The following AHDC1 variants were observed in gnomAD, a reference collection of about 807,000 sequenced individuals.
AHDC1 encodes the protein AT-hook DNA binding motif containing 1.
Under a neutral mutation model 87.9 loss-of-function variants are expected in AHDC1, and 7 were observed. The observed-to-expected ratio is 0.08, with a 90% confidence interval of 0.05 to 0.15. The LOEUF (loss-of-function observed/expected upper bound fraction) is 0.15. Among genes scored for constraint, AHDC1 ranks in the 10% least tolerant of loss-of-function variants. AHDC1 has a pLI of 1.00. For synonymous variants in AHDC1, 1,051 were observed against 1,006.8 expected, an observed-to-expected ratio of 1.04 and a Z score of -0.83; for missense variants, 1,841 against 2,253.2, an observed-to-expected ratio of 0.82 and a Z score of 3.70.
intron 3 of AHDC1, among the ~76,000 whole-genome samples, chr1:27,602,938 G>A (rs1234230958): frequency 1.4e-5 from 2 of 145,176 alleles, no homozygotes; most frequent in African/African-American, 2.7e-5. Context: ...TCCCAGCGCC[G>A]ATCCTAAAAT....
At chr1:27,599,002 G>A (rs921711271) in intron 3 of AHDC1, among the ~76,000 whole-genome samples, 21 of 152,102 alleles carry the variant, frequency 1.4e-4, no homozygotes, top group African/African-American at 5.1e-4. Flanking sequence ...CACAATGGAT[G>A]GGGAAACTGA....
At position 27,590,333 on chromosome 1, in the gene AHDC1, C is replaced by A. The variant is rs1294759073; in HGVS notation, c.-629+13064G>T. Among the ~76,000 whole-genome samples, 1 of 152,156 alleles carries A rather than the reference C, an allele frequency of 6.6e-6. No individual in the cohort carries two copies. The highest frequency in any genetic ancestry group is 6.5e-5 in the Admixed American group (1 of 15,290). ...AACTCCAACCTACTGTTTGCCTGGG[C>A]CTGTGGGAAGGCCAGACCCTTCCAG... is the stretch of plus-strand genomic sequence containing the variant. On this transcript the variant is annotated intron_variant, in intron 3 of 8. Coordinates refer to ENST00000673934, the MANE Select transcript of AHDC1 (RefSeq NM_001371928.1). The surrounding 1 kb of genome is among the most constrained non-coding windows in gnomAD (Gnocchi z 5.4).
At chr1:27,539,637 G>C (rs886885724) in intron 8 of AHDC1, among the ~76,000 whole-genome samples, 1 of 151,374 alleles carries the variant, frequency 6.6e-6, no homozygotes, top group African/African-American at 2.4e-5. Flanking sequence ...GTAGAGACAG[G>C]GTTTCACCAT....
At chr1:27,599,765 T>G (rs1008683342) in intron 3 of AHDC1, among the ~76,000 whole-genome samples, 1 of 151,920 alleles carries the variant, frequency 6.6e-6, no homozygotes, top group Non-Finnish European at 1.5e-5. Context: ...CCCCCCCGGG[T>G]CCCAAGAAAA....
intron 3 of AHDC1, among the ~76,000 whole-genome samples, chr1:27,601,007 GC>G (rs200763397): frequency 0.022 from 3,392 of 152,184 alleles, 57 homozygotes; most frequent in Middle Eastern, 0.037. Flanking sequence ...GGGGCTCCCT[GC>G]CCCCACGACC....
At position 27,581,024 on chromosome 1, in the gene AHDC1, G is replaced by A. The variant is rs561011037; in HGVS notation, c.-628-22141C>T. On this transcript the variant is annotated intron_variant, in intron 3 of 8. Coordinates refer to ENST00000673934, the MANE Select transcript of AHDC1 (RefSeq NM_001371928.1). ...TAATTTTTGTATTTTTAGTAGAGAC[G>A]AGGTTTCACCATGTTGGCCAGGCTG... Among the ~76,000 whole-genome samples, 26 of 152,176 alleles carry A rather than the reference G, an allele frequency of 1.7e-4. No individual in the cohort carries two copies. The East Asian group carries it at 3.7e-3, about 21-fold the overall frequency.
chr1:27,568,972 G>C (rs2020448775), intron 3 of AHDC1, among the ~76,000 whole-genome samples: 1 of 152,090 alleles, frequency 6.6e-6, no homozygotes, highest in South Asian at 2.1e-4. Flanking sequence ...AGCCTGCCAG[G>C]GTGGGGCGCG....
chr1:27,596,980 C>A (rs919283571), intron 3 of AHDC1, among the ~76,000 whole-genome samples: 2 of 152,240 alleles, frequency 1.3e-5, no homozygotes, highest in Non-Finnish European at 2.9e-5. Context: ...CATGCAAGCA[C>A]ATGTTTATAC....
Position 27,538,400 on chromosome 1 carries a change from C to CAAAAAAAAAAAAAAAAAA in AHDC1, c.*44-3502_*44-3485dup, listed in dbSNP as rs370786800. 2.7e-3 allele frequency among the ~76,000 whole-genome samples: 161 copies of CAAAAAAAAAAAAAAAAAA among 60,704 alleles called. 3 individuals are homozygous for CAAAAAAAAAAAAAAAAAA. The highest frequency in any genetic ancestry group is 4.5e-3 in the African/African-American group (87 of 19,218). 39.8% of individuals were successfully genotyped at this position (60,704 alleles called of 152,430 possible). A position where few individuals can be genotyped will look rare whatever the true frequency, so the allele number is the denominator to read the frequency against. On this transcript the variant is annotated intron_variant, in intron 8 of 8. Transcript: ENST00000673934. ...CCTGGGTGACAGAGCAAGACTGTCTCAAAAAAAAAAAAAAAAAACCAGAAA... is the reference window on the plus strand; with the variant it reads ...CCTGGGTGACAGAGCAAGACTGTCTCAAAAAAAAAAAAAAAAAAAAAAAAAAAAAAAAAAAACCAGAAA...
chr1:27,536,644 G>C (rs1031858264), intron 8 of AHDC1, among the ~76,000 whole-genome samples: 1 of 152,108 alleles, frequency 6.6e-6, no homozygotes, highest in African/African-American at 2.4e-5. Flanking sequence ...CAGAGCGCTG[G>C]GGGCATCTAT....
chr1:27,573,895 A>T (rs2088622214), intron 3 of AHDC1, among the ~76,000 whole-genome samples: 1 of 152,234 alleles, frequency 6.6e-6, no homozygotes, highest in African/African-American at 2.4e-5. Context: ...GCTCAAGTTC[A>T]CACAGACAAC....
At position 27,550,902 on chromosome 1, in the gene AHDC1, G is replaced by A; in HGVS notation, c.1214C>T (p.Ala405Val). 1 of 1,595,160 alleles carries A rather than the reference G, an allele frequency of 6.3e-7. No homozygotes were observed. Among genetic ancestry groups the A allele is most frequent in the Non-Finnish European group, 8.5e-7 (1 of 1,175,972 alleles). Residue 405 changes from alanine (A) to valine (V), a missense_variant, in exon 8 of 9, where the codon GCA becomes GTA. Transcript: ENST00000673934. ...TAGGCGGCCCTCGGGTCCGGCGTCT[G>A]CCTTGCGTCCCCGTCCGGCTTTCCG... ...RRRKAGRGRKADAGPEGRLLP... is the reference protein window; with the variant it reads ...RRRKAGRGRKVDAGPEGRLLP...
intron 3 of AHDC1, among the ~76,000 whole-genome samples, chr1:27,594,906 G>T (rs1280161547): frequency 6.6e-6 from 1 of 152,094 alleles, no homozygotes; most frequent in Non-Finnish European, 1.5e-5. Flanking sequence ...TTTGTGTACA[G>T]GTGTGGTATC....
At chr1:27,573,121 C>T (rs902918074) in intron 3 of AHDC1, among the ~76,000 whole-genome samples, 1 of 152,154 alleles carries the variant, frequency 6.6e-6, no homozygotes, top group African/African-American at 2.4e-5. Context: ...GGAGGCACTC[C>T]AGCCTTCTGG....
intron 8 of AHDC1, among the ~76,000 whole-genome samples, chr1:27,542,451 T>C (rs1199117998): frequency 6.6e-6 from 1 of 151,904 alleles, no homozygotes; most frequent in Non-Finnish European, 1.5e-5. Flanking sequence ...GAGGCGAGGG[T>C]TGGAGGTGTG....
chr1:27,583,161 C>A (rs2088955628), intron 3 of AHDC1, among the ~76,000 whole-genome samples: 1 of 152,192 alleles, frequency 6.6e-6, no homozygotes, highest in Admixed American at 6.5e-5. Context: ...AGCCACCATG[C>A]CTGGCCGTTT....
At chr1:27,546,115 G>C (rs112990470) in intron 8 of AHDC1, among the ~76,000 whole-genome samples, 2 of 152,194 alleles carry the variant, frequency 1.3e-5, no homozygotes, top group African/African-American at 2.4e-5. Flanking sequence ...GAAACTCCCA[G>C]GAAGCTTCAG....
At position 27,549,235 on chromosome 1, in the gene AHDC1, G is replaced by C; in HGVS notation, c.2881C>G (p.His961Asp). ...PSAMARSPTT[H>D]PPANTYLPQY... ...GGCAGGTAGGTGTTGGCAGGCGGGT[G>C]GGTGGTAGGTGAGCGGGCCATGGCT... The change falls in exon 8 of 9, where the codon CAC becomes GAC. Residue 961 changes from histidine to aspartate, a missense_variant. This residue lies in a region of AHDC1 where 378 missense variants were observed against 399.0 expected (regional missense o/e 0.95). Coordinates refer to ENST00000673934, the MANE Select transcript of AHDC1 (RefSeq NM_001371928.1). 6.2e-7 allele frequency: 1 copy of C among 1,604,536 alleles called. No individual in the cohort carries two copies. The highest frequency in any genetic ancestry group is 8.5e-7 in the Non-Finnish European group (1 of 1,174,766).
In AHDC1 at chr1:27,547,238, T is replaced by G; in HGVS notation, c.*43+23A>C. 6.8e-6 allele frequency: 10 copies of G among 1,465,260 alleles called. No individual in the cohort carries two copies. Among genetic ancestry groups the G allele is most frequent in the Non-Finnish European group, 9.1e-6 (10 of 1,094,760 alleles). The allele number at this position is 1,465,260 out of a possible 1,614,324, so 90.8% of individuals were successfully genotyped here. On this transcript the variant is annotated intron_variant, in intron 8 of 8. Coordinates refer to ENST00000673934, the MANE Select transcript of AHDC1 (RefSeq NM_001371928.1). The surrounding 1 kb of genome is among the most constrained non-coding windows in gnomAD (Gnocchi z 4.9). ...TTCCCACCCCCAGGCCTCTGCCCAC[T>G]GCGCCCACATCCCCAGACTCACCCA...
Sources: allele counts gnomAD v4.1 joint callset (sites outside exome capture counted in the v4.1 genomes callset), GRCh38; gene constraint gnomAD v4.1.1; regional missense constraint gnomAD v4.1.1; non-coding constraint Gnocchi (gnomAD v3.1); transcripts MANE v1.5; gene names NCBI Gene and HGNC (gene_info 2026-07-23, HGNC 2026-07-21).